Variants in MKX observed in about 807,000 individuals in gnomAD.
The protein encoded by MKX is mohawk homeobox, also known as homeobox protein Mohawk.
A neutral mutation model predicts 36.0 loss-of-function variants in MKX; 13 were observed. The observed-to-expected ratio is 0.36, with a 90% CI of 0.24 to 0.57. The LOEUF is 0.57. Ranked by LOEUF, MKX falls within the 20% of genes least tolerant of loss-of-function variation. The probability of loss-of-function intolerance (pLI) is 0.79; values close to 1 mark genes in which losing one functional copy is unlikely to be tolerated. For missense variants in MKX, 458 were observed against 456.4 expected, an observed-to-expected ratio of 1.00 and a Z score of -0.03; for synonymous variants, 176 against 178.3, an observed-to-expected ratio of 0.99 and a Z score of 0.10.
intron 5 of MKX, among the ~76,000 whole-genome samples, chr10:27,685,909 A>T (rs1431320177): frequency 6.6e-6 from 1 of 152,216 alleles, no homozygotes; most frequent in Admixed American, 6.5e-5. Flanking sequence ...GAGCTTTTGA[A>T]TGAGTAAAGA....
chr10:27,684,545 T>C (rs943693274), intron 5 of MKX, among the ~76,000 whole-genome samples: 1 of 152,186 alleles, frequency 6.6e-6, no homozygotes, highest in Non-Finnish European at 1.5e-5. Flanking sequence ...ATTCTGGACA[T>C]GTGTTATAAC....
At chr10:27,694,527 A>AATATATAT (rs1554770422) in intron 5 of MKX, among the ~76,000 whole-genome samples, 1,200 of 114,302 alleles carry the variant, frequency 0.01, 18 homozygotes, top group East Asian at 0.044. Flanking sequence ...AAAAAAAAAA[A>AATATATAT]ATATATATAT....
In MKX at chr10:27,675,549, G is replaced by C. The variant is rs1011958033; in HGVS notation, c.844C>G (p.Leu282Val). ...TCACCCTTATTGGATCCGTTTTCCAGAGTGTCTGTAAAGAAAAGCAAAAAT... is the reference window on the plus strand; with the variant it reads ...TCACCCTTATTGGATCCGTTTTCCACAGTGTCTGTAAAGAAAAGCAAAAAT... ...EGNFVYRTDTLENGSNKGESA... is the reference protein window; with the variant it reads ...EGNFVYRTDTVENGSNKGESA... The change falls in exon 6 of 7, where the codon CTG (leucine) becomes GTG (valine). Residue 282 changes from leucine to valine, a missense_variant. Transcript: ENST00000419761. The C allele has an allele frequency of 6.2e-7, 1 of 1,613,892 alleles. No homozygotes were observed. The highest frequency in any genetic ancestry group is 1.7e-5 in the Admixed American group (1 of 59,972).
At position 27,743,321 on chromosome 10, in the gene MKX, C is replaced by G. The variant is rs1484452042; in HGVS notation, c.95G>C (p.Gly32Ala). 4.4e-6 allele frequency: 7 copies of G among 1,585,838 alleles called. No homozygotes were observed. The highest frequency in any genetic ancestry group is 6.0e-6 in the Non-Finnish European group (7 of 1,168,850). ...ERERGGRPYS[G>A]VLDSPHARPE... The stretch of plus-strand genomic sequence containing the variant: ...GCGGGCGTGAGGACTGTCCAGGACA[C>G]CGCTGTAGGGCCGGCCACCCCGCTC... Residue 32 changes from glycine to alanine, a missense_variant, in exon 2 of 7, where the codon GGT becomes GCT. Gly to Ala is a moderately conservative substitution (Grantham distance 60, BLOSUM62 0). Coordinates refer to ENST00000419761, the MANE Select transcript of MKX (RefSeq NM_173576.3).
At position 27,743,349 on chromosome 10, in the gene MKX, G is replaced by T. The variant is rs750374986; in HGVS notation, c.67C>A (p.Arg23=). The T allele has an allele frequency of 3.1e-5, 49 of 1,580,544 alleles. No individual in the cohort carries two copies. In the Admixed American group the frequency reaches 8.5e-4, roughly 27 times the overall value. Residue 23 remains arginine (R), a synonymous_variant, in exon 2 of 7, where the codon CGG becomes AGG. Transcript: ENST00000419761. Reference sequence around the variant, plus strand: ...CTGTAGGGCCGGCCACCCCGCTCCCGCTCCGAGGCGCCTCCGTCCTCAAAC... The same window carrying T: ...CTGTAGGGCCGGCCACCCCGCTCCCTCTCCGAGGCGCCTCCGTCCTCAAAC... The part of the protein sequence containing the change: ...VLFEDGGASE[R]ERGGRPYSGV...
At chr10:27,710,703 A>G (rs1049049366) in intron 5 of MKX, among the ~76,000 whole-genome samples, 1 of 152,088 alleles carries the variant, frequency 6.6e-6, no homozygotes. Context: ...CTGTCACCCA[A>G]TCTGGAGTGC....
intron 5 of MKX, among the ~76,000 whole-genome samples, chr10:27,687,645 C>A (rs1016807967): frequency 2.6e-5 from 4 of 152,150 alleles, no homozygotes; most frequent in Non-Finnish European, 5.9e-5. Context: ...ATAAACAGAC[C>A]ACCACCCAGT....
intron 5 of MKX, among the ~76,000 whole-genome samples, chr10:27,680,344 T>G (rs16928151): frequency 0.021 from 2,960 of 140,278 alleles, 55 homozygotes; most frequent in African/African-American, 0.057. Context: ...AGAGCGTGTT[T>G]TAAGACCAAA....
intron 5 of MKX, among the ~76,000 whole-genome samples, chr10:27,682,806 C>T (rs923410786): frequency 4.3e-4 from 65 of 151,936 alleles, no homozygotes; most frequent in Non-Finnish European, 7.5e-4. Context: ...CAGTGAAACC[C>T]CGTCTCTACT....
At chr10:27,683,835 A>G (rs2132496767) in intron 5 of MKX, among the ~76,000 whole-genome samples, 1 of 152,134 alleles carries the variant, frequency 6.6e-6, no homozygotes, top group East Asian at 1.9e-4. Context: ...CTGAAATACC[A>G]ATTGCTGTGA....
chr10:27,709,533 A>G (rs1836816683), intron 5 of MKX, among the ~76,000 whole-genome samples: 1 of 152,170 alleles, frequency 6.6e-6, no homozygotes, highest in African/African-American at 2.4e-5. Context: ...TTCTGGTAGG[A>G]CTGGTAACAA....
At chr10:27,690,405 A>G (rs1347191978) in intron 5 of MKX, among the ~76,000 whole-genome samples, 1 of 152,190 alleles carries the variant, frequency 6.6e-6, no homozygotes, top group African/African-American at 2.4e-5. Flanking sequence ...ACAAAAACCT[A>G]ACAAGTTCAT....
At chr10:27,697,351 C>A (rs1836573607) in intron 5 of MKX, among the ~76,000 whole-genome samples, 1 of 152,132 alleles carries the variant, frequency 6.6e-6, no homozygotes, top group African/African-American at 2.4e-5. Context: ...CCTCTTTCTC[C>A]CCCTTTTTGA....
At chr10:27,723,998 C>T (rs1834434150) in intron 5 of MKX, among the ~76,000 whole-genome samples, 1 of 152,130 alleles carries the variant, frequency 6.6e-6, no homozygotes, top group Non-Finnish European at 1.5e-5. Flanking sequence ...TTGTCTCTGA[C>T]CACCTTTCAG....
At chr10:27,724,941 C>T in intron 5 of MKX, among the ~76,000 whole-genome samples, 1 of 152,040 alleles carries the variant, frequency 6.6e-6, no homozygotes, top group East Asian at 1.9e-4. Flanking sequence ...AAAACCTTTC[C>T]ACTCTAGCTA....
In MKX at chr10:27,742,523, C is replaced by G. The variant is rs1406579403; in HGVS notation, c.188+705G>C. ...GGCGGCTAGGACGGCCGCCCCTCCC[C>G]GGCGGGGCGCCCGGGGAGCCGCCGG... On this transcript the variant is annotated intron_variant, in intron 2 of 6. Coordinates refer to ENST00000419761, the MANE Select transcript of MKX (RefSeq NM_173576.3). The surrounding 1 kb of genome is among the most constrained non-coding windows in gnomAD (Gnocchi z 4.2). Among the ~76,000 whole-genome samples, 4 of 152,056 alleles carry G rather than the reference C, an allele frequency of 2.6e-5. No homozygotes were observed. The highest frequency in any genetic ancestry group is 2.6e-4 in the Admixed American group (4 of 15,290).
At chr10:27,689,944 T>A (rs899388259) in intron 5 of MKX, among the ~76,000 whole-genome samples, 7 of 152,216 alleles carry the variant, frequency 4.6e-5, no homozygotes, top group Non-Finnish European at 7.3e-5. Flanking sequence ...AGCATCTGAT[T>A]ATGTTCCTTT....
At chr10:27,724,615 A>G (rs1481066168) in intron 5 of MKX, among the ~76,000 whole-genome samples, 5 of 152,060 alleles carry the variant, frequency 3.3e-5, no homozygotes, top group African/African-American at 9.7e-5. Flanking sequence ...TCATCCCTCA[A>G]ATTGTTTCTG....
chr10:27,717,720 G>A (rs1262764882), intron 5 of MKX, among the ~76,000 whole-genome samples: 1 of 152,232 alleles, frequency 6.6e-6, no homozygotes, highest in East Asian at 1.9e-4. Flanking sequence ...CTGGATATTT[G>A]CTGTTTATGA....
Sources: gnomAD v4.1 joint callset for allele counts (sites outside exome capture counted in the v4.1 genomes callset) on GRCh38, gnomAD v4.1.1 for gene constraint, Gnocchi (gnomAD v3.1) non-coding constraint, MANE v1.5 for transcripts, NCBI Gene and HGNC (gene_info 2026-07-23, HGNC 2026-07-21) for gene names.